The following DMD variants were observed in gnomAD, a reference collection of about 807,000 sequenced individuals.
The protein encoded by DMD is dystrophin, also known as mutant dystrophin.
DMD carries 63 observed loss-of-function variants against 330.1 expected under a neutral mutation model. The ratio of observed to expected loss-of-function variants is 0.19; its 90% confidence interval spans 0.16 to 0.24. The LOEUF (loss-of-function observed/expected upper bound fraction) is 0.24, where lower values mean the gene tolerates loss of function less well. Ranked by LOEUF, DMD falls within the 10% of genes least tolerant of loss-of-function variation. DMD has a pLI of 1.00. For synonymous variants in DMD, 1,223 were observed against 959.8 expected, an observed-to-expected ratio of 1.27 and a Z score of -5.07; for missense variants, 3,344 against 2,684.1, an observed-to-expected ratio of 1.25 and a Z score of -5.43.
At chrX:32,540,245 A>AC (rs2048369420) in intron 17 of DMD, among the ~76,000 whole-genome samples, 2 of 111,601 alleles carry the variant, frequency 1.8e-5, no homozygotes, top group Admixed American at 1.9e-4. Context: ...AATTGCAGGA[A>AC]TAATTTGCTA....
At chrX:32,731,507 T>C (rs1003617134) in intron 7 of DMD, among the ~76,000 whole-genome samples, 5 of 112,377 alleles carry the variant, frequency 4.4e-5, no homozygotes, top group Non-Finnish European at 9.4e-5. Flanking sequence ...GATTTAAATA[T>C]CCCTGTCTGA....
At chrX:31,528,835 T>C (rs914479176) in intron 55 of DMD, among the ~76,000 whole-genome samples, 24 of 110,512 alleles carry the variant, frequency 2.2e-4, no homozygotes, top group African/African-American at 7.6e-4. Context: ...AGGATGCTAA[T>C]AATAATCACA....
intron 7 of DMD, among the ~76,000 whole-genome samples, chrX:32,807,641 G>A (rs2077056420): frequency 9.0e-6 from 1 of 111,015 alleles, no homozygotes; most frequent in Admixed American, 9.6e-5. Flanking sequence ...TCATGTACCT[G>A]CCTTTTTCTG....
chrX:32,488,482 CAT>C (rs947244264), intron 20 of DMD, among the ~76,000 whole-genome samples: 1 of 111,460 alleles, frequency 9.0e-6, no homozygotes, highest in African/African-American at 3.3e-5. Context: ...CGCTGAGAAA[CAT>C]GTTATAATTT....
In DMD at chrX:31,951,147, A is replaced by ATATATATATATGTATATATATATATATG. The variant is rs1557025492; in HGVS notation, c.6614+17164_6614+17191dup. ...CATATATATATATATATATGTGTAT[A>ATATATATATATGTATATATATATATATG]TATATATATATGTATATATATATAT... On this transcript the variant is annotated intron_variant, in intron 45 of 78. Transcript: ENST00000357033. Among the ~76,000 whole-genome samples, 300 of 74,441 alleles carry ATATATATATATGTATATATATATATATG rather than the reference A, an allele frequency of 4.0e-3. 3 individuals are homozygous for ATATATATATATGTATATATATATATATG. Among genetic ancestry groups the ATATATATATATGTATATATATATATATG allele is most frequent in the Non-Finnish European group, 6.4e-3 (271 of 42,464 alleles). 64.6% of individuals were successfully genotyped at this position (74,441 alleles called of 115,157 possible).
intron 57 of DMD, among the ~76,000 whole-genome samples, chrX:31,485,384 C>T (rs763469794): frequency 2.0e-4 from 22 of 110,071 alleles, no homozygotes; most frequent in African/African-American, 4.6e-4. Flanking sequence ...TTAGTAGAGA[C>T]GGGGTTTCAC....
rs770628502 is a variant in DMD at position 32,798,493 on chromosome X, G to T, written c.649+11000C>A. On this transcript the variant is annotated intron_variant, in intron 7 of 78. Coordinates refer to ENST00000357033, the MANE Select transcript of DMD (RefSeq NM_004006.3). ...TTTCAAGATTTCCCATCAGGGAAGAGGAAATTGCTACAATAATATCTGAAT... is the reference window on the plus strand; with the variant it reads ...TTTCAAGATTTCCCATCAGGGAAGATGAAATTGCTACAATAATATCTGAAT... Among the ~76,000 whole-genome samples the T allele has an allele frequency of 1.3e-3, 142 of 112,147 alleles. No individual in the cohort carries two copies. In the Middle Eastern group the frequency reaches 0.028, roughly 22 times the overall value.
intron 1 of DMD, among the ~76,000 whole-genome samples, chrX:33,038,509 G>A (rs964460654): frequency 5.4e-5 from 6 of 111,799 alleles, no homozygotes; most frequent in Non-Finnish European, 1.1e-4. Flanking sequence ...GGCATTGGTA[G>A]ACATCTCACT....
At chrX:32,402,292 A>T (rs1370307005) in intron 30 of DMD, among the ~76,000 whole-genome samples, 1 of 111,733 alleles carries the variant, frequency 8.9e-6, no homozygotes, top group African/African-American at 3.2e-5. Flanking sequence ...AATATATAAT[A>T]GTAATTGATA....
At chrX:33,289,344 T>C (rs1311992584) in intron 1 of DMD, among the ~76,000 whole-genome samples, 7 of 111,391 alleles carry the variant, frequency 6.3e-5, no homozygotes, top group African/African-American at 2.3e-4. Context: ...GAGTCATTTT[T>C]TCAATCCAAG....
chrX:32,538,462 A>G lies in DMD; in HGVS notation c.2168+6697T>C, dbSNP rs575873329. The stretch of plus-strand genomic sequence containing the variant: ...CCACTACCCACCCAAATCCTATAAA[A>G]CGGCCCCACCCCTATCTCCCTTCCG... On this transcript the variant is annotated intron_variant, in intron 17 of 78. Coordinates refer to ENST00000357033, the MANE Select transcript of DMD (RefSeq NM_004006.3). Among the ~76,000 whole-genome samples the G allele has an allele frequency of 2.7e-5, 3 of 109,845 alleles. 1 individual carries two copies. In the South Asian group the frequency reaches 1.2e-3, roughly 44 times the overall value.
chrX:32,709,777 A>G (rs937864942), intron 7 of DMD, among the ~76,000 whole-genome samples: 2 of 111,363 alleles, frequency 1.8e-5, no homozygotes, highest in African/African-American at 6.5e-5. Context: ...TTTATTTTAC[A>G]TTGATTTCCT....
At chrX:31,880,574 G>C in intron 47 of DMD, among the ~76,000 whole-genome samples, 1 of 112,363 alleles carries the variant, frequency 8.9e-6, no homozygotes, top group Middle Eastern at 4.6e-3. Context: ...TATTATATTA[G>C]TTTCTGTAAA....
At chrX:31,826,018 T>C (rs2092887225) in intron 49 of DMD, among the ~76,000 whole-genome samples, 1 of 112,299 alleles carries the variant, frequency 8.9e-6, no homozygotes, top group Admixed American at 9.5e-5. Context: ...ACAGAAGATA[T>C]TCAAGAAAAG....
intron 60 of DMD, among the ~76,000 whole-genome samples, chrX:31,441,072 T>G (rs1222446507): frequency 8.9e-6 from 1 of 112,702 alleles, no homozygotes; most frequent in Non-Finnish European, 1.9e-5. Flanking sequence ...TGATATCAAG[T>G]AGACACGGCC....
At chrX:33,216,245 C>G (rs962667062), upstream of DMD, among the ~76,000 whole-genome samples, 2 of 111,698 alleles carry the variant, frequency 1.8e-5, no homozygotes, top group South Asian at 3.8e-4. Context: ...CTTTCACCTC[C>G]TTGGTTAGCT....
At chrX:32,447,357 C>T (rs1030713976) in intron 27 of DMD, among the ~76,000 whole-genome samples, 1 of 110,070 alleles carries the variant, frequency 9.1e-6, no homozygotes, top group African/African-American at 3.3e-5. Flanking sequence ...ATAGAAGGCA[C>T]TTTTCAAGAG....
intron 4 of DMD, among the ~76,000 whole-genome samples, chrX:32,835,517 C>T (rs1396910713): frequency 8.9e-6 from 1 of 112,688 alleles, no homozygotes. Context: ...ACTTTCTTCT[C>T]AATAAGTGGC....
chrX:31,408,274 T>C (rs751191986), intron 60 of DMD, among the ~76,000 whole-genome samples: 135 of 112,618 alleles, frequency 1.2e-3, no homozygotes, highest in African/African-American at 4.0e-3. Context: ...GCTCATGTTA[T>C]CCACTTAGTA....
Sources: allele counts gnomAD v4.1 joint callset (sites outside exome capture counted in the v4.1 genomes callset), GRCh38; gene constraint gnomAD v4.1.1; transcripts MANE v1.5; gene names NCBI Gene and HGNC (gene_info 2026-07-23, HGNC 2026-07-21).